The following CISD2 variants were observed in gnomAD, a reference collection of about 807,000 sequenced individuals.
CISD2 encodes the protein CDGSH iron sulfur domain 2, also known as CDGSH iron-sulfur domain-containing protein 2.
In CISD2, 1 loss-of-function variant was observed where a neutral mutation model predicts 12.9. The ratio of observed to expected loss-of-function variants is 0.08; its 90% CI spans 0.03 to 0.37. The LOEUF is 0.37. CISD2 is among the 10% of genes least tolerant of loss of function. The pLI is 0.99. For synonymous variants in CISD2, 50 were observed against 60.6 expected (o/e 0.83, Z 0.81); for missense variants, 97 against 163.1 (o/e 0.59, Z 2.21).
intron 1 of CISD2, among the ~76,000 whole-genome samples, chr4:102,872,111 CTT>C (rs1003540129): frequency 1.2e-4 from 19 of 152,304 alleles, no homozygotes; most frequent in Non-Finnish European, 2.2e-4. Flanking sequence ...GAGGGAGTCT[CTT>C]TTGCCCACAC....
chr4:102,877,784 A>G (rs538178767), intron 1 of CISD2, among the ~76,000 whole-genome samples: 11 of 152,318 alleles, frequency 7.2e-5, no homozygotes, highest in South Asian at 6.2e-4. Flanking sequence ...CTAGACTTCT[A>G]TGCACCCACA....
intron 1 of CISD2, among the ~76,000 whole-genome samples, chr4:102,883,311 A>G (rs1176115059): frequency 6.6e-6 from 1 of 152,100 alleles, no homozygotes; most frequent in African/African-American, 2.4e-5. Context: ...ACGACTAGGG[A>G]CCACTACTTT....
intron 1 of CISD2, 115 bp from the exon 2 acceptor site, chr4:102,885,101 T>C: frequency 2.4e-6 from 2 of 846,606 alleles, no homozygotes; most frequent in Non-Finnish European, 4.0e-6. Context: ...ATGGATCCAT[T>C]AAAAAGGAAT....
At position 102,869,132 on chromosome 4, in the gene CISD2, A is replaced by C. The variant is rs374512796; in HGVS notation, c.48A>C (p.Ala16=). 9 of 1,613,056 alleles carry C rather than the reference A, an allele frequency of 5.6e-6. No individual in the cohort carries two copies. The Admixed American group carries it at 6.7e-5, about 12-fold the overall frequency. The change falls in exon 1 of 3, where the codon GCA becomes GCC. Residue 16 remains alanine, a synonymous_variant. Transcript: ENST00000273986. ...GTATCGTGAAGGTGCAGCTCCCTGC[A>C]TATCTGAAGCGGCTCCCAGTCCCTG... ...VARIVKVQLP[A]YLKRLPVPES...
intron 1 of CISD2, among the ~76,000 whole-genome samples, chr4:102,882,391 A>G (rs1308582912): frequency 6.6e-6 from 1 of 152,234 alleles, no homozygotes; most frequent in African/African-American, 2.4e-5. Flanking sequence ...ATAATTAGTC[A>G]GATAAAACAG....
chr4:102,876,416 T>C (rs1008749533), intron 1 of CISD2, among the ~76,000 whole-genome samples: 8 of 152,202 alleles, frequency 5.3e-5, no homozygotes, highest in Admixed American at 4.6e-4. Context: ...TATCTCTACA[T>C]AGTAGGTGTA....
intron 2 of CISD2, 71 bp downstream of exon 2, chr4:102,885,501 T>C: frequency 2.5e-6 from 3 of 1,178,742 alleles, no homozygotes; most frequent in Non-Finnish European, 2.5e-6. Flanking sequence ...AAATCCCCAG[T>C]TTTGAAGTTC....
At chr4:102,880,905 G>T (rs1297852650) in intron 1 of CISD2, among the ~76,000 whole-genome samples, 1 of 150,148 alleles carries the variant, frequency 6.7e-6, no homozygotes, top group Non-Finnish European at 1.5e-5. Flanking sequence ...TGAGGCACGA[G>T]AATCGCTTGA....
chr4:102,873,728 CAA>C (rs35907341), intron 1 of CISD2, among the ~76,000 whole-genome samples: 3,496 of 78,512 alleles, frequency 0.045, 62 homozygotes, highest in African/African-American at 0.13. Flanking sequence ...GAAACCGTCT[CAA>C]AAAAAAAAAA....
intron 1 of CISD2, among the ~76,000 whole-genome samples, chr4:102,878,445 G>C (rs943784861): frequency 6.6e-6 from 1 of 152,140 alleles, no homozygotes; most frequent in Non-Finnish European, 1.5e-5. Flanking sequence ...TTTCTTTTCT[G>C]TTGCATCATC....
intron 1 of CISD2, among the ~76,000 whole-genome samples, chr4:102,877,440 G>C (rs987071808): frequency 3.3e-5 from 5 of 152,230 alleles, no homozygotes; most frequent in Non-Finnish European, 7.3e-5. Flanking sequence ...GTCACATCTG[G>C]AGAACACTGA....
rs746277672 is a variant in CISD2 at position 102,885,270 on chromosome 4, A to G, written c.158A>G (p.Tyr53Cys). The change falls in exon 2 of 3, where the codon TAC becomes TGC. Residue 53 changes from tyrosine (Y) to cysteine (C), a missense_variant. Physicochemically the swap from Tyr to Cys is radical, Grantham distance 194. Coordinates refer to ENST00000273986, the MANE Select transcript of CISD2 (RefSeq NM_001008388.5). ...PFLGVLALLG[Y>C]LAVRPFLPKK... Reference sequence around the variant, plus strand: ...CTTGGTGTACTCGCACTTCTTGGCTACCTTGCAGTTCGTCCATTCCTCCCG... The same window carrying G: ...CTTGGTGTACTCGCACTTCTTGGCTGCCTTGCAGTTCGTCCATTCCTCCCG... 2.5e-6 allele frequency: 4 copies of G among 1,614,142 alleles called. No individual in the cohort carries two copies.
At chr4:102,872,048 GT>G (rs1733467321) in intron 1 of CISD2, among the ~76,000 whole-genome samples, 1 of 152,098 alleles carries the variant, frequency 6.6e-6, no homozygotes, top group Non-Finnish European at 1.5e-5. Context: ...ATAAATTACT[GT>G]GATTATCTAA....
rs1470155774 is a variant in CISD2, at chr4:102,885,250, T to G, written c.138T>G (p.Gly46=). 2 of 1,614,120 alleles carry G rather than the reference T, an allele frequency of 1.2e-6. No homozygotes were observed. The highest frequency in any genetic ancestry group is 8.5e-7 in the Non-Finnish European group (1 of 1,179,986). ...GGCTTCGGTTATTGCCTTTCCTTGG[T>G]GTACTCGCACTTCTTGGCTACCTTG... The part of the protein sequence containing the change: ...SEWLRLLPFL[G]VLALLGYLAV... Residue 46 remains glycine (G), a synonymous_variant, in exon 2 of 3, where the codon GGT becomes GGG. Coordinates refer to ENST00000273986, the MANE Select transcript of CISD2 (RefSeq NM_001008388.5).
At position 102,888,452 on chromosome 4, in the gene CISD2, C is replaced by G. The variant is rs1342815791; in HGVS notation, c.*1022C>G. The G allele has an allele frequency of 2.0e-5, 3 of 152,178 alleles. No homozygotes were observed. Among genetic ancestry groups the G allele is most frequent in the African/African-American group, 7.2e-5 (3 of 41,444 alleles). The allele number at this position is 152,178 out of a possible 1,614,324, so 9.4% of individuals were successfully genotyped here. ...ATGCACAAATGCTGATCTGTGTGAC[C>G]TCACCTGCATTTGATTGAAAAAAGT... On this transcript the variant is annotated 3_prime_UTR_variant, in exon 3 of 3. Coordinates refer to ENST00000273986, the MANE Select transcript of CISD2 (RefSeq NM_001008388.5).
At chr4:102,874,489 A>C (rs1164126441) in intron 1 of CISD2, 2 of 152,226 alleles carry the variant, frequency 1.3e-5, no homozygotes, top group Non-Finnish European at 2.9e-5. Context: ...AGTCGAAATT[A>C]TATTAAAATA....
chr4:102,885,211 T>C lies in CISD2; in HGVS notation c.104-5T>C. The C allele has an allele frequency of 6.2e-7, 1 of 1,612,266 alleles. No homozygotes were observed. Among genetic ancestry groups the C allele is most frequent in the Non-Finnish European group, 8.5e-7 (1 of 1,178,320 alleles). ...CTGCAGATTCTGACACATCTACATG[T>C]TTAGTTTCAGAATGGCTTCGGTTAT... On this transcript the variant is annotated splice_region_variant and splice_polypyrimidine_tract_variant and intron_variant, in intron 1 of 2. Coordinates refer to ENST00000273986, the MANE Select transcript of CISD2 (RefSeq NM_001008388.5).
chr4:102,880,321 T>G (rs1191361466), intron 1 of CISD2, among the ~76,000 whole-genome samples: 1 of 152,202 alleles, frequency 6.6e-6, no homozygotes, highest in Non-Finnish European at 1.5e-5. Context: ...CCAACTGATA[T>G]TAAGGAGTTG....
Position 102,892,654 on chromosome 4 carries a change from CAGAT to C in CISD2, c.*5229_*5232del, listed in dbSNP as rs985141688. 2 of 152,102 alleles carry C rather than the reference CAGAT, an allele frequency of 1.3e-5. No individual in the cohort carries two copies. Among genetic ancestry groups the C allele is most frequent in the East Asian group, 1.9e-4 (1 of 5,178 alleles). 9.4% of individuals were successfully genotyped at this position (152,102 alleles called of 1,614,324 possible). On this transcript the variant is annotated 3_prime_UTR_variant, in exon 3 of 3. Transcript: ENST00000273986. ...TACTGTTTTCTTAGAACACTGTTGT[CAGAT>C]AGATCAGCCATAATGTTAACACATT...
Sources: allele counts gnomAD v4.1 joint callset (sites outside exome capture counted in the v4.1 genomes callset), GRCh38; gene constraint gnomAD v4.1.1; transcripts MANE v1.5; gene names NCBI Gene and HGNC (gene_info 2026-07-23, HGNC 2026-07-21).